Variants in ASIC2 observed in about 807,000 individuals in gnomAD.
The protein encoded by ASIC2 is acid-sensing ion channel 2.
A neutral mutation model predicts 57.3 loss-of-function variants in ASIC2; 25 were observed. That is an observed-to-expected ratio of 0.44 (90% CI 0.32 to 0.61). ASIC2 has a LOEUF of 0.61. ASIC2 is among the 20% of genes least tolerant of loss of function. The pLI, the probability that ASIC2 is intolerant of heterozygous loss-of-function variation, is 0.06. For missense variants in ASIC2, 641 were observed against 738.1 expected (o/e 0.87, Z 1.52); for synonymous variants, 319 against 307.5 (o/e 1.04, Z -0.39).
At chr17:33,475,621 TAAG>T (rs1188344296) in intron 1 of ASIC2, among the ~76,000 whole-genome samples, 1 of 152,228 alleles carries the variant, frequency 6.6e-6, no homozygotes, top group African/African-American at 2.4e-5. Flanking sequence ...ACTCTTGATT[TAAG>T]AAGAGTGGCT....
At chr17:33,791,809 T>G (rs1041761388) in intron 1 of ASIC2, 20 of 152,168 alleles carry the variant, frequency 1.3e-4, no homozygotes, top group African/African-American at 4.8e-4. Flanking sequence ...ATGTTTTTAT[T>G]TATTTTATTT....
chr17:34,051,706 T>C (rs184542804), intron 1 of ASIC2: 99 of 152,204 alleles, frequency 6.5e-4, no homozygotes, highest in African/African-American at 2.4e-3. Context: ...CATGTTACCC[T>C]GGAGGTTAAG....
At chr17:33,414,292 G>A (rs1421321682) in intron 1 of ASIC2, among the ~76,000 whole-genome samples, 1 of 152,190 alleles carries the variant, frequency 6.6e-6, no homozygotes, top group African/African-American at 2.4e-5. Context: ...GCTGGAGGGA[G>A]CAGTGCAGAG....
chr17:33,526,303 T>A (rs1479273301), intron 1 of ASIC2, among the ~76,000 whole-genome samples: 1 of 152,110 alleles, frequency 6.6e-6, no homozygotes, highest in East Asian at 1.9e-4. Flanking sequence ...CCCCAAGCAG[T>A]CAGGTGCTGG....
chr17:34,156,755 C>A lies in ASIC2; in HGVS notation c.-223G>T. 2 of 527,928 alleles carry A rather than the reference C, an allele frequency of 3.8e-6. No individual in the cohort carries two copies. The highest frequency in any genetic ancestry group is 5.9e-5 in the South Asian group (2 of 33,886). 32.7% of individuals were successfully genotyped at this position (527,928 alleles called of 1,614,324 possible). A position where few individuals can be genotyped will look rare whatever the true frequency, so the allele number is the denominator to read the frequency against. ...ACTCTAGCTCTTGATTTTTTCCAGG[C>A]GATAAGGAGGGCTGGTTTTATTTAG... On this transcript the variant is annotated 5_prime_UTR_variant, in exon 1 of 10. Transcript: ENST00000359872. This position sits in a 1 kb window ranked among gnomAD's most constrained non-coding sequence, Gnocchi z 4.4.
intron 1 of ASIC2, among the ~76,000 whole-genome samples, chr17:33,370,166 A>T (rs1214929393): frequency 2.0e-5 from 3 of 152,154 alleles, no homozygotes; most frequent in Non-Finnish European, 4.4e-5. Flanking sequence ...AGTTTCTGCA[A>T]CCTACAGGGA....
At chr17:33,629,492 T>C (rs1906093197) in intron 1 of ASIC2, among the ~76,000 whole-genome samples, 1 of 152,176 alleles carries the variant, frequency 6.6e-6, no homozygotes, top group South Asian at 2.1e-4. Context: ...GTTAGGGAGC[T>C]AGTGTTGACC....
At chr17:33,890,639 T>C (rs911619808) in intron 1 of ASIC2, among the ~76,000 whole-genome samples, 4 of 152,086 alleles carry the variant, frequency 2.6e-5, no homozygotes, top group African/African-American at 7.2e-5. Flanking sequence ...CACCGTCCAT[T>C]CTATGTAGAG....
chr17:33,512,975 C>A (rs1914469866), intron 1 of ASIC2, among the ~76,000 whole-genome samples: 1 of 152,224 alleles, frequency 6.6e-6, no homozygotes, highest in Non-Finnish European at 1.5e-5. Flanking sequence ...ACATGGTGAA[C>A]TTGGCTCCTG....
chr17:34,128,305 C>T (rs1183007120), intron 1 of ASIC2, among the ~76,000 whole-genome samples: 1 of 152,152 alleles, frequency 6.6e-6, no homozygotes, highest in Non-Finnish European at 1.5e-5. Context: ...GTTCAGCTCA[C>T]TGAATTCCCA....
At chr17:33,748,961 G>A (rs939595891) in intron 1 of ASIC2, among the ~76,000 whole-genome samples, 1 of 152,198 alleles carries the variant, frequency 6.6e-6, no homozygotes, top group Non-Finnish European at 1.5e-5. Context: ...CACAGGACAC[G>A]TGTCTGCAGC....
chr17:33,562,221 AT>A (rs3032156), intron 1 of ASIC2, among the ~76,000 whole-genome samples: 1,747 of 149,974 alleles, frequency 0.012, 34 homozygotes, highest in African/African-American at 0.037. Context: ...CTTGTAACAC[AT>A]TTTTTTTTTT....
At chr17:33,993,416 C>T (rs149405299) in intron 1 of ASIC2, among the ~76,000 whole-genome samples, 4 of 152,342 alleles carry the variant, frequency 2.6e-5, no homozygotes, top group Middle Eastern at 3.4e-3. Flanking sequence ...CCCCACTCTC[C>T]TCTACTGCCA....
At chr17:33,459,789 T>C (rs1407983672) in intron 1 of ASIC2, among the ~76,000 whole-genome samples, 1 of 152,202 alleles carries the variant, frequency 6.6e-6, no homozygotes, top group Non-Finnish European at 1.5e-5. Flanking sequence ...GTGTGGTCTC[T>C]CTAGGTGGTT....
At chr17:33,612,743 G>A (rs918414066) in intron 1 of ASIC2, among the ~76,000 whole-genome samples, 5 of 152,204 alleles carry the variant, frequency 3.3e-5, no homozygotes, top group African/African-American at 1.2e-4. Flanking sequence ...TAATTGCTGG[G>A]TGCAGCCTCA....
chr17:33,016,942 C>T (rs1039623036), intron 8 of ASIC2, among the ~76,000 whole-genome samples: 1 of 148,724 alleles, frequency 6.7e-6, no homozygotes, highest in Non-Finnish European at 1.5e-5. Context: ...TCCACAGGCT[C>T]GCTGTCAGAG....
chr17:33,436,850 CTTCTTTTT>C (rs1567860594), intron 1 of ASIC2, among the ~76,000 whole-genome samples: 2 of 76,038 alleles, frequency 2.6e-5, no homozygotes, highest in South Asian at 4.4e-4. Context: ...CACATTCCAA[CTTCTTTTT>C]TTTTTTTTTT....
chr17:34,034,977 A>T (rs1313401205), intron 1 of ASIC2, among the ~76,000 whole-genome samples: 1 of 151,966 alleles, frequency 6.6e-6, no homozygotes, highest in Non-Finnish European at 1.5e-5. Flanking sequence ...CCATCAAGCT[A>T]CCAATGACTT....
chr17:33,983,650 C>T (rs570552205), intron 1 of ASIC2, among the ~76,000 whole-genome samples: 3 of 152,276 alleles, frequency 2.0e-5, no homozygotes, highest in East Asian at 3.9e-4. Context: ...CGTGCAAATT[C>T]GTGAGCCACC....
Sources: allele counts gnomAD v4.1 joint callset (sites outside exome capture counted in the v4.1 genomes callset), GRCh38; gene constraint gnomAD v4.1.1; non-coding constraint Gnocchi (gnomAD v3.1); transcripts MANE v1.5; gene names NCBI Gene and HGNC (gene_info 2026-07-23, HGNC 2026-07-21).